CYP20A1: variants seen among roughly 807,000 people sequenced by gnomAD.
CYP20A1 encodes cytochrome P450 family 20 subfamily A member 1.
Under a neutral mutation model 61.4 loss-of-function variants are expected in CYP20A1, and 61 were observed. The observed-to-expected ratio is 0.99, with a 90% confidence interval of 0.81 to 1.23. The LOEUF (loss-of-function observed/expected upper bound fraction) is 1.23, where lower values mean the gene tolerates loss of function less well. Among genes scored for constraint, CYP20A1 ranks in the 50% most tolerant of loss-of-function variants. The pLI is 0.00. For missense variants in CYP20A1, 530 were observed against 542.4 expected (o/e 0.98, Z 0.23); for synonymous variants, 193 against 188.2 (o/e 1.03, Z -0.21).
chr2:203,266,563 A>T lies in CYP20A1; in HGVS notation c.482A>T (p.His161Leu), dbSNP rs748912193. 1 of 1,614,100 alleles carries T rather than the reference A, an allele frequency of 6.2e-7. No individual in the cohort carries two copies. Among genetic ancestry groups the T allele is most frequent in the South Asian group, 1.1e-5 (1 of 91,084 alleles). ...TGGCTCTCCTACCCAGAGACCCAGC[A>T]CGTGCCCCTCAGCCAGCATATGCTT... ...DKWLSYPETQ[H>L]VPLSQHMLGF... The change falls in exon 5 of 13, where the codon CAC (histidine) becomes CTC (leucine). Residue 161 changes from histidine to leucine, a missense_variant. Physicochemically the swap from His to Leu is moderately conservative, Grantham distance 99 (BLOSUM62 -3). Transcript: ENST00000356079.
At chr2:203,274,828 T>C (rs1267366643) in intron 6 of CYP20A1, among the ~76,000 whole-genome samples, 2 of 152,212 alleles carry the variant, frequency 1.3e-5, no homozygotes, top group Non-Finnish European at 1.5e-5. Flanking sequence ...TGCGTTTGGA[T>C]TAATTCCCCT....
intron 4 of CYP20A1, among the ~76,000 whole-genome samples, chr2:203,262,792 C>T (rs957661427): frequency 2.0e-5 from 3 of 149,812 alleles, no homozygotes. Flanking sequence ...GGGTTCACGC[C>T]ATTCTCCTGC....
chr2:203,266,526 T>C lies in CYP20A1; in HGVS notation c.445T>C (p.Leu149=). The C allele has an allele frequency of 1.2e-6, 2 of 1,613,892 alleles. No individual in the cohort carries two copies. The highest frequency in any genetic ancestry group is 1.7e-6 in the Non-Finnish European group (2 of 1,179,804). ...TGTTCTCTTTCAGCTTTCAGAAGAA[T>C]TATTAGATAAATGGCTCTCCTACCC... ...FALLLKLSEE[L]LDKWLSYPET... The change falls in exon 5 of 13, where the codon TTA becomes CTA. Residue 149 remains leucine, a synonymous_variant. Coordinates refer to ENST00000356079, the MANE Select transcript of CYP20A1 (RefSeq NM_177538.3).
chr2:203,278,656 T>G lies in CYP20A1; in HGVS notation c.763T>G (p.Ser255Ala). 1 of 1,599,210 alleles carries G rather than the reference T, an allele frequency of 6.3e-7. No homozygotes were observed. Among genetic ancestry groups the G allele is most frequent in the Non-Finnish European group, 8.5e-7 (1 of 1,170,564 alleles). Reference sequence around the variant, plus strand: ...CTTCAGTCAACATATTTTCATTGACTCCTTAGTACAAGGGAACCTTAATGA... The same window carrying G: ...CTTCAGTCAACATATTTTCATTGACGCCTTAGTACAAGGGAACCTTAATGA... ...RNFSQHIFID[S>A]LVQGNLNDQQ... The change falls in exon 7 of 13, where the codon TCC (serine) becomes GCC (alanine). Residue 255 changes from serine (S) to alanine (A), a missense_variant. Transcript: ENST00000356079.
At chr2:203,246,555 A>G (rs1239307352) in intron 2 of CYP20A1, among the ~76,000 whole-genome samples, 200 bp from the exon 3 acceptor site, 7 of 152,384 alleles carry the variant, frequency 4.6e-5, no homozygotes, top group African/African-American at 1.7e-4. Context: ...TTCTTAAAAT[A>G]TCAGACAAAT....
At chr2:203,252,258 C>A in intron 4 of CYP20A1, 149 bp downstream of exon 4, 1 of 599,436 alleles carries the variant, frequency 1.7e-6, no homozygotes, top group Non-Finnish European at 2.7e-6. Context: ...ACAACAATAA[C>A]AAAACACACA....
At chr2:203,245,782 GGTGAAACACATCTGACT>G (rs1394863655) in intron 1 of CYP20A1, 47 bp from the exon 2 acceptor site, 43 of 897,740 alleles carry the variant, frequency 4.8e-5, no homozygotes, top group Non-Finnish European at 7.2e-5. Flanking sequence ...CAGATGTGTT[GGTGAAACACATCTGACT>G]TATGGGATAT....
intron 1 of CYP20A1, among the ~76,000 whole-genome samples, chr2:203,239,704 G>A (rs555001526): frequency 3.3e-5 from 5 of 152,310 alleles, no homozygotes; most frequent in Middle Eastern, 3.4e-3. Context: ...GCCGCGCTGC[G>A]GGTTCGGGTG....
intron 8 of CYP20A1, among the ~76,000 whole-genome samples, chr2:203,282,234 G>T (rs1480540118): frequency 6.6e-6 from 1 of 151,802 alleles, no homozygotes; most frequent in East Asian, 1.9e-4. Flanking sequence ...GACCATGTTG[G>T]CCAAGCTGGT....
intron 1 of CYP20A1, among the ~76,000 whole-genome samples, chr2:203,240,125 C>T (rs2066204340): frequency 6.6e-6 from 1 of 152,188 alleles, no homozygotes; most frequent in African/African-American, 2.4e-5. Context: ...ACAAAAAACA[C>T]CTGTTCTACA....
At chr2:203,288,765 A>G (rs1454085152) in intron 9 of CYP20A1, among the ~76,000 whole-genome samples, 1 of 152,206 alleles carries the variant, frequency 6.6e-6, no homozygotes, top group Non-Finnish European at 1.5e-5. Context: ...TAGTTGAAGG[A>G]TGTATGCAGT....
Position 203,298,939 on chromosome 2 carries a change from G to C in CYP20A1, c.*2031G>C, listed in dbSNP as rs182303174. ...AGTCTCAGCTACTTGGGAGGCTGAG[G>C]CAGGAGAATCGCTTGAACCTGGGAG... is the stretch of plus-strand genomic sequence containing the variant. On this transcript the variant is annotated 3_prime_UTR_variant, in exon 13 of 13. Coordinates refer to ENST00000356079, the MANE Select transcript of CYP20A1 (RefSeq NM_177538.3). Among the ~76,000 whole-genome samples, 1 of 152,042 alleles carries C rather than the reference G, an allele frequency of 6.6e-6. No homozygotes were observed. Among genetic ancestry groups the C allele is most frequent in the Non-Finnish European group, 1.5e-5 (1 of 67,998 alleles).
intron 1 of CYP20A1, 50 bp downstream of exon 1, chr2:203,239,184 C>T (rs368463664): frequency 6.6e-7 from 1 of 1,505,570 alleles, no homozygotes; most frequent in Non-Finnish European, 9.2e-7. Flanking sequence ...CCCAGTCTCT[C>T]TGTCGCCGGC....
intron 4 of CYP20A1, among the ~76,000 whole-genome samples, chr2:203,256,842 T>C (rs1272294754): frequency 6.6e-6 from 1 of 152,170 alleles, no homozygotes; most frequent in Non-Finnish European, 1.5e-5. Context: ...TCCTAAATTA[T>C]TTGACTCCTC....
rs1166832830 is a variant in CYP20A1 at position 203,300,514 on chromosome 2, T to C, written c.*3606T>C. Among the ~76,000 whole-genome samples the C allele has an allele frequency of 6.6e-6, 1 of 152,336 alleles. No individual in the cohort carries two copies. Among genetic ancestry groups the C allele is most frequent in the East Asian group, 1.9e-4 (1 of 5,190 alleles). On this transcript the variant is annotated 3_prime_UTR_variant, in exon 13 of 13. Transcript: ENST00000356079. ...TAATTGATATTGAAGTAAGTAAGTT[T>C]TGTAGCTTTTGGAGTTTTTAAAAAC...
At chr2:203,240,894 A>G (rs536241162) in intron 1 of CYP20A1, among the ~76,000 whole-genome samples, 19 of 152,208 alleles carry the variant, frequency 1.2e-4, no homozygotes, top group African/African-American at 4.1e-4. Flanking sequence ...ATAGAATTCA[A>G]ATTTAATTTT....
intron 6 of CYP20A1, among the ~76,000 whole-genome samples, chr2:203,274,540 A>G (rs965616876): frequency 6.6e-6 from 1 of 152,188 alleles, no homozygotes; most frequent in African/African-American, 2.4e-5. Flanking sequence ...TGCAGGATAA[A>G]TTAAAATACA....
At chr2:203,258,005 G>GCTCAAGTGCAGTAGCACA (rs1455916330) in intron 4 of CYP20A1, among the ~76,000 whole-genome samples, 1 of 151,752 alleles carries the variant, frequency 6.6e-6, no homozygotes, top group Non-Finnish European at 1.5e-5. Context: ...GGGCTGAAGG[G>GCTCAAGTGCAGTAGCACA]ATCCTCCTGC....
rs926567050 is a variant in CYP20A1 at position 203,292,764 on chromosome 2, C to T, written c.1148+438C>T. ...ATGAACCACCAAGCCTGACCTGCAT[C>T]CCCATTATATCTTCTGTTGACTGCT... On this transcript the variant is annotated intron_variant, in intron 11 of 12. Coordinates refer to ENST00000356079, the MANE Select transcript of CYP20A1 (RefSeq NM_177538.3). Among the ~76,000 whole-genome samples, 5 of 151,912 alleles carry T rather than the reference C, an allele frequency of 3.3e-5. No individual in the cohort carries two copies. The East Asian group carries it at 7.8e-4, about 24-fold the overall frequency.
Sources: gnomAD v4.1 joint callset for allele counts (sites outside exome capture counted in the v4.1 genomes callset) on GRCh38, gnomAD v4.1.1 for gene constraint, MANE v1.5 for transcripts, NCBI Gene and HGNC (gene_info 2026-07-23, HGNC 2026-07-21) for gene names.